The following LYRM4 variants were observed in gnomAD, a reference collection of about 807,000 sequenced individuals.
LYRM4 encodes LYR motif-containing protein 4.
LYRM4 carries 9 observed loss-of-function variants against 11.7 expected under a neutral mutation model. That is an observed-to-expected ratio of 0.77 (90% CI 0.46 to 1.34). The LOEUF (loss-of-function observed/expected upper bound fraction) is 1.34, where lower values mean the gene tolerates loss of function less well. Among genes scored for constraint, LYRM4 ranks in the 40% most tolerant of loss-of-function variants. The probability of loss-of-function intolerance (pLI) is 0.00; values close to 1 mark genes in which losing one functional copy is unlikely to be tolerated. For synonymous variants in LYRM4, 42 were observed against 40.4 expected, an observed-to-expected ratio of 1.04 and a Z score of -0.15; for missense variants, 133 against 112.5, an observed-to-expected ratio of 1.18 and a Z score of -0.82.
downstream of LYRM4, chr6:5,104,044 A>T (rs997831784): frequency 1.3e-5 from 2 of 152,088 alleles, no homozygotes; most frequent in Admixed American, 6.6e-5. Flanking sequence ...ATACTTGTTG[A>T]TATTTTACTG....
the LYRM4 span, among the ~76,000 whole-genome samples, chr6:5,045,507 T>G: frequency 6.6e-6 from 1 of 152,184 alleles, no homozygotes; most frequent in Non-Finnish European, 1.5e-5. Context: ...AGTTTCAGTT[T>G]GGGAAGATGA....
the LYRM4 span, among the ~76,000 whole-genome samples, chr6:5,071,704 C>T: frequency 1.3e-5 from 2 of 152,104 alleles, no homozygotes; most frequent in East Asian, 3.9e-4. Flanking sequence ...GTGGCACGAT[C>T]TCAGCTCACT....
chr6:5,183,964 C>G (rs941473981), intron 2 of LYRM4, among the ~76,000 whole-genome samples: 1 of 152,174 alleles, frequency 6.6e-6, no homozygotes, highest in Non-Finnish European at 1.5e-5. Context: ...GATGTGGTAA[C>G]TGGATTAAAT....
chr6:5,258,335 C>T (rs1446019406), intron 1 of LYRM4, among the ~76,000 whole-genome samples: 2 of 152,248 alleles, frequency 1.3e-5, no homozygotes, highest in Non-Finnish European at 2.9e-5. Flanking sequence ...ATTGCTTATT[C>T]AGCACTACCT....
At chr6:5,144,280 C>T in intron 2 of LYRM4, 1 of 1,536,938 alleles carries the variant, frequency 6.5e-7, no homozygotes, top group South Asian at 1.2e-5. Flanking sequence ...GAGATACAGG[C>T]AAGTCTTGGG....
At chr6:5,101,968 C>CTTTTTTTTTTTTTTTTTTTTT (rs397826404), downstream of LYRM4, among the ~76,000 whole-genome samples, 1,766 of 67,788 alleles carry the variant, frequency 0.026, 415 homozygotes, top group East Asian at 0.094. Context: ...CTAATGCTTT[C>CTTTTTTTTTTTTTTTTTTTTT]TTTTTTTTTT....
intron 1 of LYRM4, among the ~76,000 whole-genome samples, chr6:5,251,978 C>T (rs562883818): frequency 1.3e-5 from 2 of 152,256 alleles, no homozygotes; most frequent in South Asian, 2.1e-4. Context: ...GATTCCTAAA[C>T]ACGAATCATT....
chr6:5,167,500 T>C (rs964147263), intron 2 of LYRM4, among the ~76,000 whole-genome samples: 3 of 152,234 alleles, frequency 2.0e-5, no homozygotes, highest in Admixed American at 2.0e-4. Context: ...CGTTTCATCT[T>C]ATTTTGCCTT....
At chr6:5,068,438 ATCATGGGT>A in the LYRM4 span, among the ~76,000 whole-genome samples, 2,532 of 152,318 alleles carry the variant, frequency 0.017, 19 homozygotes, top group Middle Eastern at 0.037. The surrounding 1 kb of genome is among the most constrained non-coding windows in gnomAD (Gnocchi z 4.0). Context: ...ATGACTATTG[ATCATGGGT>A]GAGCGCAAAC....
the LYRM4 span, among the ~76,000 whole-genome samples, chr6:5,040,422 C>G: frequency 6.6e-6 from 1 of 151,150 alleles, no homozygotes; most frequent in Admixed American, 6.6e-5. Flanking sequence ...AGAAAGAAGG[C>G]TGGGCATGGT....
chr6:5,075,763 TACATA>T, the LYRM4 span, among the ~76,000 whole-genome samples: 91 of 152,342 alleles, frequency 6.0e-4, 1 homozygote, highest in African/African-American at 1.9e-3. Flanking sequence ...TGGCAAAATA[TACATA>T]ACATAACATT....
intron 2 of LYRM4, among the ~76,000 whole-genome samples, chr6:5,216,206 A>G (rs1229612283): frequency 1.3e-5 from 2 of 152,188 alleles, no homozygotes; most frequent in East Asian, 1.9e-4. Flanking sequence ...ACCACCCACA[A>G]TGGTGTCTTC....
At chr6:5,141,420 T>C (rs1350989723) in intron 2 of LYRM4, among the ~76,000 whole-genome samples, 1 of 152,218 alleles carries the variant, frequency 6.6e-6, no homozygotes, top group Non-Finnish European at 1.5e-5. Flanking sequence ...CTCAAGCTTC[T>C]ATCATTCCAC....
At chr6:5,152,033 A>G (rs1054196710) in intron 2 of LYRM4, among the ~76,000 whole-genome samples, 1 of 152,194 alleles carries the variant, frequency 6.6e-6, no homozygotes, top group African/African-American at 2.4e-5. Flanking sequence ...GCTCCCAGAC[A>G]TGGGTGATTC....
At chr6:5,240,120 G>A (rs1283290450) in intron 1 of LYRM4, among the ~76,000 whole-genome samples, 22 of 152,090 alleles carry the variant, frequency 1.4e-4, no homozygotes, top group Non-Finnish European at 3.2e-4. Flanking sequence ...ACCTAGCTCT[G>A]CCAAACCTAG....
At position 5,235,709 on chromosome 6, in the gene LYRM4, G is replaced by A. The variant is rs13199874; in HGVS notation, c.87-18971C>T. Among the ~76,000 whole-genome samples the A allele has an allele frequency of 7.1e-3, 1,083 of 152,296 alleles. 11 individuals carry two copies. Among genetic ancestry groups the A allele is most frequent in the African/African-American group, 0.023 (958 of 41,556 alleles). On this transcript the variant is annotated intron_variant, in intron 1 of 2. Transcript: ENST00000330636. ...CACAAGATTAAGTATGTGGATGTAA[G>A]TTACTTTCAAATTCTTTAAACAGAA... is the stretch of plus-strand genomic sequence containing the variant.
At chr6:5,056,192 T>A in the LYRM4 span, among the ~76,000 whole-genome samples, 14 of 152,144 alleles carry the variant, frequency 9.2e-5, no homozygotes, top group African/African-American at 3.4e-4. Flanking sequence ...TTTTTAATGA[T>A]TGGCTTTTTA....
intron 1 of LYRM4, chr6:5,218,400 A>G: frequency 1.0e-6 from 1 of 984,762 alleles, no homozygotes; most frequent in Non-Finnish European, 1.2e-6. Flanking sequence ...CTTATTGGGA[A>G]ACTTTATCTT....
At chr6:5,236,126 A>G (rs13219950) in intron 1 of LYRM4, among the ~76,000 whole-genome samples, 7,463 of 152,256 alleles carry the variant, frequency 0.049, 604 homozygotes, top group African/African-American at 0.16. Flanking sequence ...AAGTGGAGTG[A>G]TGTTAATAGA....
Sources: allele counts gnomAD v4.1 joint callset (sites outside exome capture counted in the v4.1 genomes callset), GRCh38; gene constraint gnomAD v4.1.1; non-coding constraint Gnocchi (gnomAD v3.1); transcripts MANE v1.5; gene names NCBI Gene and HGNC (gene_info 2026-07-23, HGNC 2026-07-21).